RBM27: variants seen among roughly 807,000 people sequenced by gnomAD.
The protein encoded by RBM27 is RNA-binding protein 27.
In RBM27, 22 loss-of-function variants were observed where a neutral mutation model predicts 135.3. The ratio of observed to expected loss-of-function variants is 0.16; its 90% CI spans 0.12 to 0.23. The LOEUF (loss-of-function observed/expected upper bound fraction) is 0.23. Among genes scored for constraint, RBM27 ranks in the 10% least tolerant of loss-of-function variants. The probability of loss-of-function intolerance (pLI) is 1.00; values close to 1 mark genes in which losing one functional copy is unlikely to be tolerated. For synonymous variants in RBM27, 481 were observed against 442.4 expected, an observed-to-expected ratio of 1.09 and a Z score of -1.10; for missense variants, 1,009 against 1,281.0, an observed-to-expected ratio of 0.79 and a Z score of 3.24.
At chr5:146,219,649 C>T (rs767630209) in intron 2 of RBM27, among the ~76,000 whole-genome samples, 17 of 152,258 alleles carry the variant, frequency 1.1e-4, no homozygotes, top group Admixed American at 8.5e-4. Flanking sequence ...CTAGCCACAA[C>T]GACCACCTGT....
At chr5:146,264,247 A>C (rs1269950496) in intron 14 of RBM27, among the ~76,000 whole-genome samples, 1 of 151,928 alleles carries the variant, frequency 6.6e-6, no homozygotes, top group Non-Finnish European at 1.5e-5. Flanking sequence ...GCAATGGCAC[A>C]ATCTCGGCTC....
chr5:146,267,829 T>G, intron 15 of RBM27, 61 bp downstream of exon 15: 1 of 1,519,966 alleles, frequency 6.6e-7, no homozygotes, highest in East Asian at 2.3e-5. Context: ...TTTAAGTGGT[T>G]ACATTATCAC....
chr5:146,229,695 C>G lies in RBM27; in HGVS notation c.396-22C>G, dbSNP rs1300008346. 3 of 1,563,896 alleles carry G rather than the reference C, an allele frequency of 1.9e-6. No individual in the cohort carries two copies. The African/African-American group carries it at 4.1e-5, about 21-fold the overall frequency. Reference sequence around the variant, plus strand: ...CTTGGTTTCTATAGCCTGCATATGGCTTTTATATCTGTATATTATAGGACA... The same window carrying G: ...CTTGGTTTCTATAGCCTGCATATGGGTTTTATATCTGTATATTATAGGACA... On this transcript the variant is annotated intron_variant, in intron 4 of 20. Coordinates refer to ENST00000265271, the MANE Select transcript of RBM27 (RefSeq NM_018989.2).
At chr5:146,258,714 T>G in intron 11 of RBM27, 121 bp downstream of exon 11, 1 of 818,024 alleles carries the variant, frequency 1.2e-6, no homozygotes, top group Non-Finnish European at 1.7e-6. Flanking sequence ...AAGTTAGGGT[T>G]CCAGGAGACA....
chr5:146,230,592 T>G (rs2126750997), intron 5 of RBM27, 65 bp from the exon 6 acceptor site: 9 of 1,499,142 alleles, frequency 6.0e-6, no homozygotes. Flanking sequence ...AGAAAATAAA[T>G]ATAGTTTAAG....
chr5:146,204,652 A>G (rs906219865), intron 1 of RBM27, among the ~76,000 whole-genome samples: 2 of 152,172 alleles, frequency 1.3e-5, no homozygotes, highest in Admixed American at 6.6e-5. Flanking sequence ...TTTTAGATAC[A>G]GGTGGTGTTG....
chr5:146,261,024 C>T (rs1758373479), intron 12 of RBM27, 126 bp downstream of exon 12: 1 of 899,710 alleles, frequency 1.1e-6, no homozygotes, highest in Non-Finnish European at 1.7e-6. Flanking sequence ...GCTGTAAATG[C>T]CACCATATAT....
At chr5:146,277,574 G>C (rs890664635) in intron 19 of RBM27, among the ~76,000 whole-genome samples, 5 of 145,550 alleles carry the variant, frequency 3.4e-5, no homozygotes, top group African/African-American at 1.3e-4. Flanking sequence ...CCAGGCTGGA[G>C]TGCAGTGGCA....
chr5:146,233,312 G>A, intron 6 of RBM27, 138 bp from the exon 7 acceptor site: 2 of 1,360,530 alleles, frequency 1.5e-6, no homozygotes, highest in East Asian at 2.5e-5. Context: ...GCTTAACAGA[G>A]TAACACTGAG....
chr5:146,211,371 A>T (rs1307530976), intron 1 of RBM27, among the ~76,000 whole-genome samples: 2 of 152,056 alleles, frequency 1.3e-5, no homozygotes, highest in Admixed American at 6.6e-5. Flanking sequence ...TTTGAAAAAA[A>T]GTAGAAGTAC....
chr5:146,269,974 A>G (rs532399227), intron 17 of RBM27, among the ~76,000 whole-genome samples: 2 of 152,200 alleles, frequency 1.3e-5, no homozygotes, highest in South Asian at 2.1e-4. Flanking sequence ...TTTTAACTGA[A>G]TATTTTGGTT....
chr5:146,247,448 T>C (rs1310453156), intron 8 of RBM27, among the ~76,000 whole-genome samples: 3 of 152,232 alleles, frequency 2.0e-5, no homozygotes, highest in Non-Finnish European at 2.9e-5. Flanking sequence ...CCTGGTTTAT[T>C]TGACGCTATA....
intron 1 of RBM27, 132 bp from the exon 2 acceptor site, chr5:146,218,853 C>T (rs896577280): frequency 3.7e-6 from 2 of 534,358 alleles, no homozygotes; most frequent in Non-Finnish European, 6.5e-6. Flanking sequence ...TAAAAGTTGC[C>T]TGTGTTTGTG....
At chr5:146,206,051 T>A in intron 1 of RBM27, among the ~76,000 whole-genome samples, 1 of 152,248 alleles carries the variant, frequency 6.6e-6, no homozygotes, top group South Asian at 2.1e-4. Context: ...GTGTTATTCA[T>A]GTTATTTAAG....
At chr5:146,255,141 G>A in intron 10 of RBM27, 49 bp downstream of exon 10, 5 of 1,519,504 alleles carry the variant, frequency 3.3e-6, no homozygotes, top group Non-Finnish European at 3.6e-6. Context: ...TGCAGTAGTT[G>A]GATATAGTTA....
intron 7 of RBM27, among the ~76,000 whole-genome samples, chr5:146,236,665 C>A (rs191967241): frequency 1.3e-5 from 2 of 152,084 alleles, no homozygotes; most frequent in East Asian, 3.9e-4. Context: ...TCTCTGTTGC[C>A]CAGGTTGGAG....
rs1420337374 is a variant in RBM27, at chr5:146,203,628, G to T, written c.-138G>T. 4 of 745,294 alleles carry T rather than the reference G, an allele frequency of 5.4e-6. No individual in the cohort carries two copies. The Admixed American group carries it at 7.7e-5, about 14-fold the overall frequency. 46.2% of individuals were successfully genotyped at this position (745,294 alleles called of 1,614,324 possible). A position where few individuals can be genotyped will look rare whatever the true frequency, so the allele number is the denominator to read the frequency against. On this transcript the variant is annotated 5_prime_UTR_variant, in exon 1 of 21. Transcript: ENST00000265271. ...TTAGTTCCTGTTAGGCCCCGGCCGGGGGAGTAGGTTGAAGTCTCCTAAGAT... is the reference window on the plus strand; with the variant it reads ...TTAGTTCCTGTTAGGCCCCGGCCGGTGGAGTAGGTTGAAGTCTCCTAAGAT...
At chr5:146,262,189 C>T (rs1424552007) in intron 13 of RBM27, among the ~76,000 whole-genome samples, 1 of 152,176 alleles carries the variant, frequency 6.6e-6, no homozygotes, top group South Asian at 2.1e-4. Context: ...GATACAGGGC[C>T]TATAAATATA....
chr5:146,285,147 T>C (rs1196151809), intron 20 of RBM27, among the ~76,000 whole-genome samples: 1 of 152,122 alleles, frequency 6.6e-6, no homozygotes, highest in African/African-American at 2.4e-5. Flanking sequence ...GTGCAGAAGT[T>C]GAACATAGAG....
Sources: allele counts gnomAD v4.1 joint callset (sites outside exome capture counted in the v4.1 genomes callset), GRCh38; gene constraint gnomAD v4.1.1; transcripts MANE v1.5; gene names NCBI Gene and HGNC (gene_info 2026-07-23, HGNC 2026-07-21).